Variants in PTPRT observed in about 807,000 individuals in gnomAD.
The protein encoded by PTPRT is protein tyrosine phosphatase receptor type T.
PTPRT carries 56 observed loss-of-function variants against 176.8 expected under a neutral mutation model. The observed-to-expected ratio is 0.32, with a 90% CI of 0.26 to 0.40. The LOEUF is 0.40. Ranked by LOEUF, PTPRT falls within the 10% of genes least tolerant of loss-of-function variation. The pLI is 1.00. For synonymous variants in PTPRT, 783 were observed against 739.0 expected (o/e 1.06, Z -0.96); for missense variants, 1,540 against 1,908.2 (o/e 0.81, Z 3.60).
At chr20:42,574,771 G>A (rs548318291) in intron 7 of PTPRT, among the ~76,000 whole-genome samples, 1 of 152,284 alleles carries the variant, frequency 6.6e-6, no homozygotes, top group Non-Finnish European at 1.5e-5. Flanking sequence ...TGTCGAGGGA[G>A]GGACCTGTTG....
chr20:42,599,635 C>T (rs1488795363), intron 7 of PTPRT, among the ~76,000 whole-genome samples: 1 of 152,052 alleles, frequency 6.6e-6, no homozygotes, highest in Non-Finnish European at 1.5e-5. Flanking sequence ...CTTCATTTGC[C>T]TTCCCTGGAT....
intron 6 of PTPRT, among the ~76,000 whole-genome samples, chr20:42,728,261 T>C (rs902136930): frequency 6.6e-6 from 1 of 152,170 alleles, no homozygotes; most frequent in Non-Finnish European, 1.5e-5. Context: ...GACAGATTCC[T>C]AAACCCCACC....
At chr20:42,794,508 A>G (rs1311644616) in intron 2 of PTPRT, among the ~76,000 whole-genome samples, 1 of 152,038 alleles carries the variant, frequency 6.6e-6, no homozygotes, top group Non-Finnish European at 1.5e-5. Context: ...GGCCCATTCT[A>G]TTTTCCCATC....
At chr20:42,606,996 GAATAA>G (rs778635288) in intron 7 of PTPRT, 13 of 152,150 alleles carry the variant, frequency 8.5e-5, no homozygotes, top group Admixed American at 5.2e-4. Flanking sequence ...CACATACATA[GAATAA>G]AATATTATTT....
intron 12 of PTPRT, among the ~76,000 whole-genome samples, chr20:42,289,820 G>A (rs529368855): frequency 4.5e-4 from 68 of 152,130 alleles, no homozygotes; most frequent in African/African-American, 1.6e-3. Context: ...AGCACCACAC[G>A]TTTTAAAGTC....
chr20:42,689,647 C>A (rs1198388564), intron 6 of PTPRT, among the ~76,000 whole-genome samples: 1 of 152,192 alleles, frequency 6.6e-6, no homozygotes, highest in Non-Finnish European at 1.5e-5. Context: ...CTTGTATAGA[C>A]TCTGAAGCTG....
chr20:42,779,723 A>T (rs2077187160), intron 4 of PTPRT, among the ~76,000 whole-genome samples: 1 of 152,214 alleles, frequency 6.6e-6, no homozygotes, highest in African/African-American at 2.4e-5. Flanking sequence ...CACTATGAGA[A>T]ATCTCTATGC....
chr20:42,705,149 G>C (rs2076033500), intron 6 of PTPRT, among the ~76,000 whole-genome samples: 1 of 152,124 alleles, frequency 6.6e-6, no homozygotes, highest in Non-Finnish European at 1.5e-5. Flanking sequence ...AGGTTGCCCT[G>C]AGCCAAGATT....
At chr20:42,307,159 C>T (rs1029520835) in intron 12 of PTPRT, among the ~76,000 whole-genome samples, 2 of 152,276 alleles carry the variant, frequency 1.3e-5, no homozygotes, top group African/African-American at 2.4e-5. Flanking sequence ...GAAGGCACTG[C>T]CTTATTCTTT....
At chr20:43,087,609 C>T (rs1183314299) in intron 1 of PTPRT, among the ~76,000 whole-genome samples, 1 of 152,090 alleles carries the variant, frequency 6.6e-6, no homozygotes, top group Non-Finnish European at 1.5e-5. Context: ...AGTGATCTGC[C>T]TGCCTCGGCC....
At chr20:43,059,951 C>A (rs1987387131) in intron 1 of PTPRT, among the ~76,000 whole-genome samples, 1 of 151,732 alleles carries the variant, frequency 6.6e-6, no homozygotes. Context: ...TGTACTCCAG[C>A]CTGGGAGTGC....
At chr20:42,526,956 CTTTTT>C (rs915511549) in intron 7 of PTPRT, among the ~76,000 whole-genome samples, 370 of 78,680 alleles carry the variant, frequency 4.7e-3, no homozygotes, top group African/African-American at 0.017. Context: ...GTTCTTTTTT[CTTTTT>C]TTTTTTTTTT....
chr20:43,005,017 G>A (rs1984779542), intron 1 of PTPRT, among the ~76,000 whole-genome samples: 1 of 152,066 alleles, frequency 6.6e-6, no homozygotes, highest in African/African-American at 2.4e-5. Flanking sequence ...ATGTGTCTCT[G>A]ATAGCTGAGG....
At chr20:42,921,752 A>C (rs1012412499) in intron 1 of PTPRT, among the ~76,000 whole-genome samples, 14 of 152,176 alleles carry the variant, frequency 9.2e-5, no homozygotes, top group African/African-American at 3.4e-4. Flanking sequence ...CACTCACTCC[A>C]ATCAGGGTCT....
At chr20:42,528,364 T>A (rs188252692) in intron 7 of PTPRT, among the ~76,000 whole-genome samples, 1 of 152,044 alleles carries the variant, frequency 6.6e-6, no homozygotes, top group Admixed American at 6.6e-5. Flanking sequence ...GCTCACAGTG[T>A]CTGGCGTATA....
rs1555898538 is a variant in PTPRT at position 42,683,271 on chromosome 20, T to TTTTTTGTTTTGTTTTGTTTTG, written c.860-5113_860-5112insCAAAACAAAACAAAACAAAAA. Among the ~76,000 whole-genome samples, 501 of 149,386 alleles carry TTTTTTGTTTTGTTTTGTTTTG rather than the reference T, an allele frequency of 3.4e-3. 3 individuals are homozygous for TTTTTTGTTTTGTTTTGTTTTG. The Middle Eastern group carries it at 0.037, about 11-fold the overall frequency. On this transcript the variant is annotated intron_variant, in intron 6 of 30. Coordinates refer to ENST00000373187, the MANE Select transcript of PTPRT (RefSeq NM_007050.6). ...AGAATGGCTTTCCTTTTACTTGTTT[T>TTTTTTGTTTTGTTTTGTTTTG]TTTTGTTTTGTTTTGTTTTGTTTTG... is the stretch of plus-strand genomic sequence containing the variant.
At chr20:42,882,130 C>G (rs1273828357) in intron 2 of PTPRT, among the ~76,000 whole-genome samples, 1 of 152,186 alleles carries the variant, frequency 6.6e-6, no homozygotes, top group Non-Finnish European at 1.5e-5. Flanking sequence ...CAGACTCAAA[C>G]TTGACTTCCA....
downstream of PTPRT, among the ~76,000 whole-genome samples, chr20:42,068,878 T>C (rs2146035062): frequency 6.6e-6 from 1 of 152,350 alleles, no homozygotes; most frequent in Admixed American, 6.5e-5. Flanking sequence ...GGTTTACTTC[T>C]TGGCCCTGCC....
At position 42,641,416 on chromosome 20, in the gene PTPRT, A is replaced by G. The variant is rs80291006; in HGVS notation, c.1153+36450T>C. 4.7e-3 allele frequency among the ~76,000 whole-genome samples: 710 copies of G among 152,234 alleles called. 7 individuals carry two copies. The highest frequency in any genetic ancestry group is 0.017 in the African/African-American group (686 of 41,540). ...TATTGAAGAATTATAGGTCTGCAAG[A>G]ATTGTCTTTGATGGGGGCTTTATAC... On this transcript the variant is annotated intron_variant, in intron 7 of 30. Transcript: ENST00000373187.
Sources: gnomAD v4.1 joint callset for allele counts (sites outside exome capture counted in the v4.1 genomes callset) on GRCh38, gnomAD v4.1.1 for gene constraint, MANE v1.5 for transcripts, NCBI Gene and HGNC (gene_info 2026-07-23, HGNC 2026-07-21) for gene names.